The following CIITA variants were observed in gnomAD, a reference collection of about 807,000 sequenced individuals.
CIITA encodes class II major histocompatibility complex transactivator, also known as MHC class II transactivator.
CIITA carries 72 observed loss-of-function variants against 115.1 expected under a neutral mutation model. The observed-to-expected ratio is 0.63, with a 90% CI of 0.52 to 0.76. The LOEUF is 0.76. Among genes scored for constraint, CIITA ranks in the 30% least tolerant of loss-of-function variants. CIITA has a pLI of 0.00. For missense variants in CIITA, 1,617 were observed against 1,463.8 expected, an observed-to-expected ratio of 1.10 and a Z score of -1.71; for synonymous variants, 763 against 635.6, an observed-to-expected ratio of 1.20 and a Z score of -3.02.
At chr16:10,875,520 C>T (rs1363280879), upstream of CIITA, among the ~76,000 whole-genome samples, 2 of 152,242 alleles carry the variant, frequency 1.3e-5, no homozygotes, top group South Asian at 2.1e-4. Flanking sequence ...CCGTCCAGTG[C>T]TCTTTCAGCA....
intron 12 of CIITA, 73 bp from the exon 13 acceptor site, chr16:10,910,115 C>A: frequency 1.5e-6 from 2 of 1,303,502 alleles, no homozygotes; most frequent in Non-Finnish European, 2.2e-6. Context: ...CTGGGGCAGC[C>A]ATCATGGGAC....
chr16:10,871,293 G>A (rs556006423), intron 1 of CIITA, among the ~76,000 whole-genome samples: 14 of 152,282 alleles, frequency 9.2e-5, no homozygotes, highest in African/African-American at 2.2e-4. Context: ...CAAGCCCAAC[G>A]TGCATGGTGG....
At chr16:10,873,491 G>A (rs1567350151), upstream of CIITA, among the ~76,000 whole-genome samples, 1 of 152,182 alleles carries the variant, frequency 6.6e-6, no homozygotes, top group African/African-American at 2.4e-5. Context: ...ATGAAGGTGG[G>A]AACTCGAGCT....
chr16:10,910,141 C>G (rs776562269), intron 12 of CIITA, 47 bp from the exon 13 acceptor site: 2 of 1,537,644 alleles, frequency 1.3e-6, no homozygotes, highest in South Asian at 2.3e-5. Flanking sequence ...GGTAAGGGCT[C>G]AGTGACAGCA....
In CIITA at chr16:10,890,320, A is replaced by G. The variant is rs548621782; in HGVS notation, c.53-4962A>G. Reference sequence around the variant, plus strand: ...TTTTTCTGAGACACAGTCTGGCTCTATCACCCAGGCTGGAGTGCAGTGGTG... The same window carrying G: ...TTTTTCTGAGACACAGTCTGGCTCTGTCACCCAGGCTGGAGTGCAGTGGTG... On this transcript the variant is annotated intron_variant, in intron 1 of 19. Coordinates refer to ENST00000324288, the MANE Select transcript of CIITA (RefSeq NM_000246.4). Among the ~76,000 whole-genome samples, 13 of 150,326 alleles carry G rather than the reference A, an allele frequency of 8.6e-5. 1 individual carries two copies. Among genetic ancestry groups the G allele is most frequent in the African/African-American group, 3.2e-4 (13 of 40,772 alleles).
intron 1 of CIITA, among the ~76,000 whole-genome samples, chr16:10,886,351 G>C (rs111945970): frequency 6.6e-6 from 1 of 152,072 alleles, no homozygotes; most frequent in African/African-American, 2.4e-5. Flanking sequence ...GAGTGCAGGG[G>C]TTACTTTTCA....
chr16:10,943,005 C>A (rs1393711247), exon 2 of CIITA: 2 of 152,240 alleles, frequency 1.3e-5, no homozygotes, highest in East Asian at 1.9e-4. Context: ...CGAGGTAGTT[C>A]AGATCTTCAA....
At chr16:10,874,275 C>T (rs973744537), upstream of CIITA, among the ~76,000 whole-genome samples, 5 of 152,208 alleles carry the variant, frequency 3.3e-5, no homozygotes, top group South Asian at 4.1e-4. Context: ...TGAGCCACCA[C>T]GCCCGGCCTG....
At position 10,934,055 on chromosome 16, in the gene CIITA, G is replaced by A. The variant is rs1205720410; in HGVS notation, c.*10200G>A. On this transcript the variant is annotated 3_prime_UTR_variant, in exon 20 of 20. Coordinates refer to ENST00000324288, the MANE Select transcript of CIITA (RefSeq NM_000246.4). The surrounding 1 kb of genome is among the most constrained non-coding windows in gnomAD (Gnocchi z 4.2). ...AATGATGACCACTTTCTCAAACCTG[G>A]CTTCGGATTTGCACGTTGGCTGCCA... 6.6e-6 allele frequency: 1 copy of A among 152,148 alleles called. No individual in the cohort carries two copies. The highest frequency in any genetic ancestry group is 2.4e-5 in the African/African-American group (1 of 41,428). The allele number at this position is 152,148 out of a possible 1,614,324, so 9.4% of individuals were successfully genotyped here. A position where few individuals can be genotyped will look rare whatever the true frequency, so the allele number is the denominator to read the frequency against.
intron 3 of CIITA, among the ~76,000 whole-genome samples, chr16:10,897,248 ACT>A (rs961652016): frequency 1.3e-5 from 2 of 151,924 alleles, no homozygotes; most frequent in East Asian, 1.9e-4. Context: ...ACTGGTGAGG[ACT>A]CTCTGCAGAG....
chr16:10,940,513 A>G (rs1156730900), downstream of CIITA: 1 of 152,172 alleles, frequency 6.6e-6, no homozygotes, highest in Non-Finnish European at 1.5e-5. This position sits in a 1 kb window ranked among gnomAD's most constrained non-coding sequence, Gnocchi z 4.2. Flanking sequence ...TCCCCTCTTC[A>G]TTGCCACTTA....
At chr16:10,881,684 A>G (rs1463611992) in intron 1 of CIITA, among the ~76,000 whole-genome samples, 1 of 152,262 alleles carries the variant, frequency 6.6e-6, no homozygotes, top group African/African-American at 2.4e-5. Context: ...TACATATAAC[A>G]TAAAATTTAC....
In CIITA at chr16:10,919,378, G is replaced by C. The variant is rs1035367032; in HGVS notation, c.3149+852G>C. On this transcript the variant is annotated intron_variant, in intron 16 of 19. Transcript: ENST00000324288. The stretch of plus-strand genomic sequence containing the variant: ...CGTCCAGCTAGTTTTTATATTTTTA[G>C]TAGAGACAGGGTTTCGCCATGTTGG... Among the ~76,000 whole-genome samples, 5 of 152,208 alleles carry C rather than the reference G, an allele frequency of 3.3e-5. No homozygotes were observed. In the South Asian group the frequency reaches 1.0e-3, roughly 32 times the overall value.
In CIITA at chr16:10,906,721, C is replaced by A; in HGVS notation, c.1229C>A (p.Pro410Gln). The A allele has an allele frequency of 6.2e-7, 1 of 1,611,118 alleles. No homozygotes were observed. The highest frequency in any genetic ancestry group is 8.5e-7 in the Non-Finnish European group (1 of 1,179,828). The change falls in exon 11 of 20, where the codon CCG (proline) becomes CAG (glutamine). Residue 410 changes from proline to glutamine, a missense_variant. Physicochemically the swap from Pro to Gln is moderately conservative, Grantham distance 76 (BLOSUM62 -1). Coordinates refer to ENST00000324288, the MANE Select transcript of CIITA (RefSeq NM_000246.4). ...TTGGCTGCCAAGGAGCACCGGCGGCCGCGTGAGACACGAGTGATTGCTGTG... is the reference window on the plus strand; with the variant it reads ...TTGGCTGCCAAGGAGCACCGGCGGCAGCGTGAGACACGAGTGATTGCTGTG... ...VLLAAKEHRR[P>Q]RETRVIAVLG...
chr16:10,891,815 C>T (rs1018927198), intron 1 of CIITA, among the ~76,000 whole-genome samples: 1 of 152,186 alleles, frequency 6.6e-6, no homozygotes, highest in Non-Finnish European at 1.5e-5. Context: ...AGGGCGGTGG[C>T]CCCATCTTTC....
Position 10,942,941 on chromosome 16 carries a change from G to A in CIITA, n.2067G>A, listed in dbSNP as rs1369019109. ...CCAAACTCTGGTTGCTGGAAGGTCC[G>A]CCCACTACGGAACCTGCATCCTAGA... On this transcript the variant is annotated non_coding_transcript_exon_variant, in exon 2 of 2. Transcript: ENST00000573379. This position sits in a 1 kb window ranked among gnomAD's most constrained non-coding sequence, Gnocchi z 5.0. The A allele has an allele frequency of 6.6e-5, 10 of 152,196 alleles. No individual in the cohort carries two copies. 9.4% of individuals were successfully genotyped at this position (152,196 alleles called of 1,614,324 possible). A position where few individuals can be genotyped will look rare whatever the true frequency, so the allele number is the denominator to read the frequency against.
chr16:10,867,363 T>G (rs1238941728), intron 1 of CIITA, among the ~76,000 whole-genome samples: 3 of 150,708 alleles, frequency 2.0e-5, no homozygotes, highest in African/African-American at 4.9e-5. Context: ...TTTGCTTGTG[T>G]GTGCATGTGT....
Position 10,934,145 on chromosome 16 carries a change from C to T in CIITA, c.*10290C>T, listed in dbSNP as rs2040920464. On this transcript the variant is annotated 3_prime_UTR_variant, in exon 20 of 20. Transcript: ENST00000324288. The surrounding 1 kb of genome is among the most constrained non-coding windows in gnomAD (Gnocchi z 4.2). The stretch of plus-strand genomic sequence containing the variant: ...ACCACGTGCCTCCAGCTGGTCACGC[C>T]CAAGACTCCCTGAGCCCTCTGGAAG... 1 of 152,270 alleles carries T rather than the reference C, an allele frequency of 6.6e-6. No individual in the cohort carries two copies. The highest frequency in any genetic ancestry group is 1.9e-4 in the East Asian group (1 of 5,204). 9.4% of individuals were successfully genotyped at this position (152,270 alleles called of 1,614,324 possible). A position where few individuals can be genotyped will look rare whatever the true frequency, so the allele number is the denominator to read the frequency against.
At position 10,906,657 on chromosome 16, in the gene CIITA, G is replaced by A. The variant is rs2039179099; in HGVS notation, c.1165G>A (p.Glu389Lys). The change falls in exon 11 of 20, where the codon GAA becomes AAA. Residue 389 changes from glutamate (E) to lysine (K), a missense_variant. Transcript: ENST00000324288. ...ERELATPDWAERQLAQGGLAE... is the reference protein window; with the variant it reads ...ERELATPDWAKRQLAQGGLAE... ...GGAACTGGCCACCCCGGACTGGGCA[G>A]AACGGCAGCTGGCCCAAGGAGGCCT... is the stretch of plus-strand genomic sequence containing the variant. 6.2e-7 allele frequency: 1 copy of A among 1,613,668 alleles called. No homozygotes were observed. The highest frequency in any genetic ancestry group is 1.1e-5 in the South Asian group (1 of 91,078).
Sources: gnomAD v4.1 joint callset for allele counts (sites outside exome capture counted in the v4.1 genomes callset) on GRCh38, gnomAD v4.1.1 for gene constraint, Gnocchi (gnomAD v3.1) non-coding constraint, MANE v1.5 for transcripts, NCBI Gene and HGNC (gene_info 2026-07-23, HGNC 2026-07-21) for gene names.